Variants in SMPD3 observed in about 807,000 individuals in gnomAD.
SMPD3 encodes nSMase-2.
In SMPD3, 21 loss-of-function variants were observed where a neutral mutation model predicts 55.7. The observed-to-expected ratio is 0.38, with a 90% CI of 0.27 to 0.54. The LOEUF is 0.54. SMPD3 is among the 20% of genes least tolerant of loss of function. The pLI is 0.80. For synonymous variants in SMPD3, 457 were observed against 404.3 expected (o/e 1.13, Z -1.56); for missense variants, 842 against 899.6 (o/e 0.94, Z 0.82).
At chr16:68,417,290 T>A (rs910204926) in intron 1 of SMPD3, among the ~76,000 whole-genome samples, 12 of 152,096 alleles carry the variant, frequency 7.9e-5, no homozygotes, top group African/African-American at 2.9e-4. Flanking sequence ...GATCCTGCCT[T>A]CTTCACTTCC....
At chr16:68,382,898 A>G (rs1184437235) in intron 2 of SMPD3, among the ~76,000 whole-genome samples, 3 of 152,052 alleles carry the variant, frequency 2.0e-5, no homozygotes, top group African/African-American at 7.2e-5. Context: ...CTGGAGTGCA[A>G]TGGTGCAATC....
Position 68,372,139 on chromosome 16 carries a change from C to A in SMPD3, c.43G>T (p.Ala15Ser). Residue 15 changes from alanine (A) to serine (S), a missense_variant, in exon 3 of 9, where the codon GCC (alanine) becomes TCC (serine). Physicochemically the swap from Ala to Ser is moderately conservative, Grantham distance 99 (BLOSUM62 1). This residue lies in a region of SMPD3 where 193 missense variants were observed against 256.0 expected (regional missense o/e 0.75). Coordinates refer to ENST00000219334, the MANE Select transcript of SMPD3 (RefSeq NM_018667.4). ...AGGGCCCAGGACACACAGTGCAGGG[C>A]GGACAGACAGCTGTTAGGAAAGGGG... The part of the protein sequence containing the change: ...TTPFPNSCLS[A>S]LHCVSWALIF... The A allele has an allele frequency of 6.2e-7, 1 of 1,612,778 alleles. No individual in the cohort carries two copies. The highest frequency in any genetic ancestry group is 8.5e-7 in the Non-Finnish European group (1 of 1,179,584).
At chr16:68,364,173 C>T (rs1405301816) in intron 5 of SMPD3, among the ~76,000 whole-genome samples, 5 of 152,214 alleles carry the variant, frequency 3.3e-5, no homozygotes, top group African/African-American at 7.2e-5. Context: ...ATGTGGTCAT[C>T]GGATCCACAG....
chr16:68,427,978 G>A (rs1422212010), intron 1 of SMPD3, among the ~76,000 whole-genome samples: 2 of 152,070 alleles, frequency 1.3e-5, no homozygotes, highest in Non-Finnish European at 2.9e-5. Flanking sequence ...GAGAGGGGAG[G>A]GTCTCATGCC....
At chr16:68,446,429 T>A (rs1412744412) in intron 1 of SMPD3, among the ~76,000 whole-genome samples, 1 of 151,502 alleles carries the variant, frequency 6.6e-6, no homozygotes, top group Non-Finnish European at 1.5e-5. Flanking sequence ...GTGACTACCC[T>A]GCTCCCCACC....
chr16:68,431,471 T>C (rs1475557702), intron 1 of SMPD3, among the ~76,000 whole-genome samples: 1 of 152,174 alleles, frequency 6.6e-6, no homozygotes, highest in Non-Finnish European at 1.5e-5. Flanking sequence ...CTGGCGATTG[T>C]ATCAGACCTG....
At chr16:68,441,011 A>G (rs1454901351) in intron 1 of SMPD3, among the ~76,000 whole-genome samples, 1 of 152,242 alleles carries the variant, frequency 6.6e-6, no homozygotes, top group African/African-American at 2.4e-5. Context: ...CATACTTAGC[A>G]AGTGTTTTCA....
intron 2 of SMPD3, among the ~76,000 whole-genome samples, chr16:68,377,999 G>A (rs2089861909): frequency 6.6e-6 from 1 of 152,214 alleles, no homozygotes; most frequent in South Asian, 2.1e-4. Flanking sequence ...TTTGGCGCTA[G>A]GATGAGGCCT....
chr16:68,382,394 C>T (rs2089968085), intron 2 of SMPD3, among the ~76,000 whole-genome samples: 1 of 152,308 alleles, frequency 6.6e-6, no homozygotes, highest in East Asian at 1.9e-4. Flanking sequence ...GGCTGGGCAG[C>T]AGCTGTTAAG....
chr16:68,435,832 C>T (rs2090519113), intron 1 of SMPD3, among the ~76,000 whole-genome samples: 1 of 152,216 alleles, frequency 6.6e-6, no homozygotes, highest in South Asian at 2.1e-4. Context: ...CTGGTCAGTG[C>T]TATGGCAGGG....
chr16:68,399,190 G>T (rs990255935), intron 1 of SMPD3, among the ~76,000 whole-genome samples: 1 of 152,140 alleles, frequency 6.6e-6, no homozygotes, highest in Non-Finnish European at 1.5e-5. Flanking sequence ...GTGGGCTTGG[G>T]GGGAGGTCAC....
intron 2 of SMPD3, among the ~76,000 whole-genome samples, chr16:68,375,181 C>T (rs2089779597): frequency 6.6e-6 from 1 of 152,102 alleles, no homozygotes; most frequent in East Asian, 1.9e-4. Context: ...GCAGCGGGTC[C>T]TCCCAGACAC....
At chr16:68,379,980 G>A (rs1199328389) in intron 2 of SMPD3, among the ~76,000 whole-genome samples, 1 of 152,250 alleles carries the variant, frequency 6.6e-6, no homozygotes, top group African/African-American at 2.4e-5. Context: ...CTGGGTCCAG[G>A]CCCTTGTGCC....
At chr16:68,438,404 C>A (rs11075677) in intron 1 of SMPD3, among the ~76,000 whole-genome samples, 30,617 of 152,104 alleles carry the variant, frequency 0.2, 3,365 homozygotes, top group South Asian at 0.26. Flanking sequence ...CCTGGCAATA[C>A]CCTCCAGAAG....
At chr16:68,381,145 T>G (rs1341863877) in intron 2 of SMPD3, among the ~76,000 whole-genome samples, 1 of 152,216 alleles carries the variant, frequency 6.6e-6, no homozygotes, top group African/African-American at 2.4e-5. Context: ...CCCAGGCGGC[T>G]GGGCTTTTTG....
At chr16:68,411,199 CA>C (rs917954396) in intron 1 of SMPD3, among the ~76,000 whole-genome samples, 1 of 152,266 alleles carries the variant, frequency 6.6e-6, no homozygotes, top group Non-Finnish European at 1.5e-5. Flanking sequence ...TGCCCTCCCC[CA>C]ACCTCAGGCC....
chr16:68,445,755 T>C (rs947394987), intron 1 of SMPD3, among the ~76,000 whole-genome samples: 1 of 152,252 alleles, frequency 6.6e-6, no homozygotes, highest in African/African-American at 2.4e-5. Flanking sequence ...GTTGTTCTCC[T>C]GGCCATCATC....
chr16:68,436,767 A>G (rs1053617669), intron 1 of SMPD3, among the ~76,000 whole-genome samples: 10 of 152,190 alleles, frequency 6.6e-5, no homozygotes, highest in African/African-American at 2.4e-4. Context: ...ACACTAATTC[A>G]TGGTGCCCCT....
At chr16:68,377,261 G>A (rs2089839305) in intron 2 of SMPD3, among the ~76,000 whole-genome samples, 1 of 152,194 alleles carries the variant, frequency 6.6e-6, no homozygotes, top group Non-Finnish European at 1.5e-5. Flanking sequence ...GACCCAAGCA[G>A]GAGGAGAACT....
Sources: allele counts gnomAD v4.1 joint callset (sites outside exome capture counted in the v4.1 genomes callset), GRCh38; gene constraint gnomAD v4.1.1; regional missense constraint gnomAD v4.1.1; transcripts MANE v1.5; gene names NCBI Gene and HGNC (gene_info 2026-07-23, HGNC 2026-07-21).